The following VOPP1 variants were observed in gnomAD, a reference collection of about 807,000 sequenced individuals.
VOPP1 encodes the protein WW domain binding protein VOPP1.
In VOPP1, 8 loss-of-function variants were observed where a neutral mutation model predicts 23.5. That is an observed-to-expected ratio of 0.34 (90% CI 0.20 to 0.61). VOPP1 has a LOEUF of 0.61. VOPP1 is among the 20% of genes least tolerant of loss of function. The probability of loss-of-function intolerance (pLI) is 0.78; values close to 1 mark genes in which losing one functional copy is unlikely to be tolerated. For missense variants in VOPP1, 174 were observed against 238.1 expected, an observed-to-expected ratio of 0.73 and a Z score of 1.77; for synonymous variants, 83 against 97.3, an observed-to-expected ratio of 0.85 and a Z score of 0.86.
chr7:55,468,282 A>G (rs560449795), downstream of VOPP1, among the ~76,000 whole-genome samples: 43 of 150,944 alleles, frequency 2.8e-4, no homozygotes, highest in South Asian at 1.5e-3. Context: ...AAAAAAAAAA[A>G]AAAAAAGAAA....
chr7:55,524,604 A>T (rs1796057134), intron 1 of VOPP1, among the ~76,000 whole-genome samples: 1 of 152,216 alleles, frequency 6.6e-6, no homozygotes, highest in Non-Finnish European at 1.5e-5. Context: ...CACAGGTCTC[A>T]TTATTCAACT....
At chr7:55,490,153 G>A (rs1057081202) in intron 4 of VOPP1, among the ~76,000 whole-genome samples, 2 of 152,088 alleles carry the variant, frequency 1.3e-5, no homozygotes, top group Non-Finnish European at 2.9e-5. Context: ...AGACCCTGCC[G>A]CAGAAAAATA....
chr7:55,565,260 T>C (rs1798127046), intron 1 of VOPP1, among the ~76,000 whole-genome samples: 1 of 152,180 alleles, frequency 6.6e-6, no homozygotes, highest in South Asian at 2.1e-4. Flanking sequence ...TTAGACACCC[T>C]CCTCCCGCAT....
chr7:55,451,238 GC>G (rs1395621667), intron 4 of VOPP1, among the ~76,000 whole-genome samples: 1 of 152,184 alleles, frequency 6.6e-6, no homozygotes, highest in Non-Finnish European at 1.5e-5. Context: ...CTTCCGCACA[GC>G]CCATCTGAGA....
chr7:55,528,392 T>A (rs1796311040), intron 1 of VOPP1, among the ~76,000 whole-genome samples: 3 of 152,246 alleles, frequency 2.0e-5, no homozygotes, highest in Admixed American at 2.0e-4. Flanking sequence ...AACCTGTACA[T>A]TTTATTTTTA....
chr7:55,474,524 G>A (rs900169448), intron 4 of VOPP1, among the ~76,000 whole-genome samples: 46 of 152,214 alleles, frequency 3.0e-4, no homozygotes, highest in African/African-American at 8.9e-4. Flanking sequence ...AGCGCACAGC[G>A]TGGGAGACAA....
chr7:55,561,495 G>T (rs1372646950), intron 1 of VOPP1, among the ~76,000 whole-genome samples: 1 of 152,080 alleles, frequency 6.6e-6, no homozygotes, highest in South Asian at 2.1e-4. Flanking sequence ...CAGATCACAA[G>T]GTTAGGAGTT....
intron 2 of VOPP1, among the ~76,000 whole-genome samples, chr7:55,500,398 G>C (rs908826753): frequency 6.6e-6 from 1 of 152,240 alleles, no homozygotes; most frequent in Non-Finnish European, 1.5e-5. Context: ...AGCAATCCCA[G>C]CAGGACCTCA....
At chr7:55,468,113 A>T (rs966466614), downstream of VOPP1, among the ~76,000 whole-genome samples, 1 of 152,054 alleles carries the variant, frequency 6.6e-6, no homozygotes, top group African/African-American at 2.4e-5. Context: ...TCTACTAAAA[A>T]TACAAAAATT....
At chr7:55,473,580 G>A (rs894318761) in intron 4 of VOPP1, among the ~76,000 whole-genome samples, 3 of 152,292 alleles carry the variant, frequency 2.0e-5, no homozygotes, top group African/African-American at 7.2e-5. Context: ...GAGCGGAGCC[G>A]CAGGCTGACT....
chr7:55,495,931 T>C (rs774028948), intron 3 of VOPP1, among the ~76,000 whole-genome samples: 2 of 152,204 alleles, frequency 1.3e-5, no homozygotes, highest in Non-Finnish European at 2.9e-5. Flanking sequence ...GCAATGGGAC[T>C]TGTGGGAGCT....
At chr7:55,463,932 C>G (rs1216357782) in intron 4 of VOPP1, among the ~76,000 whole-genome samples, 3 of 152,202 alleles carry the variant, frequency 2.0e-5, no homozygotes, top group Non-Finnish European at 2.9e-5. Context: ...TCTTCTCAGA[C>G]CAGCAGAGGC....
rs113021061 is a variant in VOPP1 at position 55,443,824 on chromosome 7, T to TCA, written n.418-7652_418-7651dup. On this transcript the variant is annotated intron_variant and non_coding_transcript_variant, in intron 4 of 4. Coordinates refer to the VOPP1 transcript ENST00000462326. ...CACGCTCAGCTAATTTTTGTATTTTTCAGAGACTGGGTTTCACCGTGTTGC... is the reference window on the plus strand; with the variant it reads ...CACGCTCAGCTAATTTTTGTATTTTTCACAGAGACTGGGTTTCACCGTGTTGC... 9.8e-3 allele frequency among the ~76,000 whole-genome samples: 1,495 copies of TCA among 152,114 alleles called. 21 individuals carry two copies. Among genetic ancestry groups the TCA allele is most frequent in the African/African-American group, 0.033 (1,358 of 41,506 alleles).
downstream of VOPP1, among the ~76,000 whole-genome samples, chr7:55,468,204 G>C (rs1351573112): frequency 6.6e-6 from 1 of 151,390 alleles, no homozygotes; most frequent in Non-Finnish European, 1.5e-5. Flanking sequence ...CCGGGAGGAG[G>C]AGGTGGAAGT....
In VOPP1 at chr7:55,537,681, T is replaced by C. The variant is rs532920369; in HGVS notation, c.55-16551A>G. The C allele has an allele frequency of 5.1e-5, 75 of 1,470,726 alleles. 1 individual carries two copies. The South Asian group carries it at 9.8e-4, about 19-fold the overall frequency. 91.1% of individuals were successfully genotyped at this position (1,470,726 alleles called of 1,614,324 possible). A position where few individuals can be genotyped will look rare whatever the true frequency, so the allele number is the denominator to read the frequency against. Reference sequence around the variant, plus strand: ...CCCTGCAGTATCCTCCTCTGTTGAGTGGTGAGAACATCTACCATGGAGGAC... The same window carrying C: ...CCCTGCAGTATCCTCCTCTGTTGAGCGGTGAGAACATCTACCATGGAGGAC... On this transcript the variant is annotated intron_variant, in intron 1 of 4. Transcript: ENST00000285279.
chr7:55,435,302 G>C (rs568803228), downstream of VOPP1, among the ~76,000 whole-genome samples: 7 of 152,192 alleles, frequency 4.6e-5, no homozygotes, highest in African/African-American at 1.4e-4. Context: ...GTTTCAGGCT[G>C]GGGGGTAAAG....
intron 2 of VOPP1, among the ~76,000 whole-genome samples, chr7:55,520,431 G>A (rs1050988468): frequency 3.3e-5 from 5 of 152,180 alleles, no homozygotes; most frequent in Middle Eastern, 3.2e-3. Context: ...CACTGAGGCA[G>A]GTGGCTCCAC....
intron 3 of VOPP1, among the ~76,000 whole-genome samples, chr7:55,494,269 G>A (rs1793790801): frequency 6.6e-6 from 1 of 152,148 alleles, no homozygotes; most frequent in East Asian, 1.9e-4. Context: ...CTTACACTCA[G>A]CACTGAGTCC....
rs188569964 is a variant in VOPP1 at position 55,519,130 on chromosome 7, C to T, written c.113+1942G>A. On this transcript the variant is annotated intron_variant, in intron 2 of 4. Coordinates refer to ENST00000285279, the MANE Select transcript of VOPP1 (RefSeq NM_030796.5). Reference sequence around the variant, plus strand: ...TCAATAACTGTTACCTGCTGGTACTCTCACGCTGAACTTCGTGTTCTCATG... The same window carrying T: ...TCAATAACTGTTACCTGCTGGTACTTTCACGCTGAACTTCGTGTTCTCATG... Among the ~76,000 whole-genome samples the T allele has an allele frequency of 7.2e-5, 11 of 152,310 alleles. No homozygotes were observed. In the East Asian group the frequency reaches 2.1e-3, roughly 29 times the overall value.
Sources: gnomAD v4.1 joint callset for allele counts (sites outside exome capture counted in the v4.1 genomes callset) on GRCh38, gnomAD v4.1.1 for gene constraint, MANE v1.5 for transcripts, NCBI Gene and HGNC (gene_info 2026-07-23, HGNC 2026-07-21) for gene names.